CLEC16A: variants seen among roughly 807,000 people sequenced by gnomAD.
CLEC16A encodes the protein protein CLEC16A.
CLEC16A carries 51 observed loss-of-function variants against 109.5 expected under a neutral mutation model. That is an observed-to-expected ratio of 0.47 (90% CI 0.37 to 0.59). CLEC16A has a LOEUF of 0.59. CLEC16A is among the 20% of genes least tolerant of loss of function. The pLI, the probability that CLEC16A is intolerant of heterozygous loss-of-function variation, is 0.00. For missense variants in CLEC16A, 1,339 were observed against 1,394.0 expected, an observed-to-expected ratio of 0.96 and a Z score of 0.63; for synonymous variants, 673 against 564.2, an observed-to-expected ratio of 1.19 and a Z score of -2.73.
At chr16:11,134,846 C>G (rs1190613638) in intron 22 of CLEC16A, among the ~76,000 whole-genome samples, 2 of 152,218 alleles carry the variant, frequency 1.3e-5, no homozygotes, top group Non-Finnish European at 2.9e-5. Context: ...AGAGGGGCCT[C>G]AAGGGATGCC....
chr16:11,087,641 A>G (rs1409782141), intron 19 of CLEC16A, among the ~76,000 whole-genome samples: 1 of 152,210 alleles, frequency 6.6e-6, no homozygotes, highest in African/African-American at 2.4e-5. Context: ...AGGAAGTTCT[A>G]TATCTGCCTC....
intron 12 of CLEC16A, among the ~76,000 whole-genome samples, chr16:11,021,375 A>G (rs574477592): frequency 9.7e-4 from 148 of 152,366 alleles, no homozygotes; most frequent in African/African-American, 3.4e-3. Flanking sequence ...GCTCTGAAAA[A>G]TAAGTAATTC....
At position 11,147,454 on chromosome 16, in the gene CLEC16A, C is replaced by T. The variant is rs762702281; in HGVS notation, c.2642-18934C>T. On this transcript the variant is annotated intron_variant, in intron 22 of 23. Coordinates refer to ENST00000409790, the MANE Select transcript of CLEC16A (RefSeq NM_015226.3). Reference sequence around the variant, plus strand: ...TTTGAGCCACGTGCAAGAGAATGGCCGACAGAACCTGGAGGGCAAGGTTCT... The same window carrying T: ...TTTGAGCCACGTGCAAGAGAATGGCTGACAGAACCTGGAGGGCAAGGTTCT... Among the ~76,000 whole-genome samples the T allele has an allele frequency of 5.3e-5, 8 of 152,116 alleles. 1 individual carries two copies. The South Asian group carries it at 1.2e-3, about 24-fold the overall frequency.
chr16:11,045,160 A>G (rs764841907), intron 16 of CLEC16A, among the ~76,000 whole-genome samples: 18 of 151,738 alleles, frequency 1.2e-4, no homozygotes, highest in Non-Finnish European at 2.5e-4. Context: ...TCTGGCTAAC[A>G]TGGTGAAACC....
rs373865850 is a variant in CLEC16A, at chr16:11,075,378, CTGTG to C, written c.2116+14386_2116+14389del. 5.2e-3 allele frequency among the ~76,000 whole-genome samples: 703 copies of C among 134,698 alleles called. 4 individuals are homozygous for C. Among genetic ancestry groups the C allele is most frequent in the Non-Finnish European group, 6.4e-3 (402 of 62,582 alleles). The allele number at this position is 134,698 out of a possible 152,430, so 88.4% of individuals were successfully genotyped here. On this transcript the variant is annotated intron_variant, in intron 19 of 23. Transcript: ENST00000409790. ...CCCAGCACTGTGACCTTGGATATGTCTGTGTGTGTGTGTGTGTGTGTGTGTGTGT... is the reference window on the plus strand; with the variant it reads ...CCCAGCACTGTGACCTTGGATATGTCTGTGTGTGTGTGTGTGTGTGTGTGT...
intron 18 of CLEC16A, among the ~76,000 whole-genome samples, chr16:11,058,930 C>T (rs568842274): frequency 1.3e-5 from 2 of 152,288 alleles, no homozygotes; most frequent in Admixed American, 6.5e-5. Context: ...ATGGTCATGA[C>T]TCCTTATTTG....
chr16:11,047,501 A>G (rs1203089996), intron 17 of CLEC16A, 159 bp downstream of exon 17: 1 of 433,316 alleles, frequency 2.3e-6, no homozygotes, highest in Non-Finnish European at 4.0e-6. Context: ...TGTGATCCCC[A>G]CCACTGTTAA....
intron 19 of CLEC16A, among the ~76,000 whole-genome samples, chr16:11,078,054 A>G (rs1200700839): frequency 6.6e-6 from 1 of 151,994 alleles, no homozygotes; most frequent in Non-Finnish European, 1.5e-5. Context: ...ATGTAAAAGC[A>G]TAAATTTTCA....
chr16:11,171,124 CT>C (rs995833117), intron 23 of CLEC16A, among the ~76,000 whole-genome samples: 7 of 152,212 alleles, frequency 4.6e-5, no homozygotes, highest in African/African-American at 1.2e-4. Flanking sequence ...GGGGAGGACA[CT>C]TTTGAGGAAC....
intron 19 of CLEC16A, among the ~76,000 whole-genome samples, chr16:11,079,181 T>C (rs2049562588): frequency 2.0e-5 from 3 of 152,214 alleles, no homozygotes; most frequent in African/African-American, 7.2e-5. Context: ...CTTGCAGAAC[T>C]TGAAACTCCC....
intron 19 of CLEC16A, among the ~76,000 whole-genome samples, chr16:11,112,075 C>T (rs1268999484): frequency 6.6e-6 from 1 of 152,210 alleles, no homozygotes. Context: ...TATGAAAAAT[C>T]ACAAGGAGTG....
At chr16:11,018,301 A>C (rs1172352250) in intron 11 of CLEC16A, among the ~76,000 whole-genome samples, 2 of 151,854 alleles carry the variant, frequency 1.3e-5, no homozygotes, top group Non-Finnish European at 2.9e-5. Flanking sequence ...AAAAAAAAAA[A>C]AAAACAGGTG....
intron 13 of CLEC16A, among the ~76,000 whole-genome samples, chr16:11,035,029 A>G (rs1330281405): frequency 1.3e-5 from 2 of 152,162 alleles, no homozygotes; most frequent in Non-Finnish European, 2.9e-5. Flanking sequence ...GCCACTCAGA[A>G]CCATCAGCCA....
intron 21 of CLEC16A, among the ~76,000 whole-genome samples, chr16:11,124,834 C>T (rs571824586): frequency 7.9e-5 from 12 of 152,168 alleles, no homozygotes; most frequent in Admixed American, 7.9e-4. Context: ...TGTCTGTAAT[C>T]TCAGCACTTC....
chr16:11,114,941 T>C (rs80192931), intron 19 of CLEC16A, among the ~76,000 whole-genome samples: 1 of 152,336 alleles, frequency 6.6e-6, no homozygotes, highest in East Asian at 1.9e-4. Context: ...CGCATTTTAG[T>C]TTTCTTATGA....
rs140426876 is a variant in CLEC16A at position 11,122,601 on chromosome 16, T to A, written c.2269-1141T>A. Among the ~76,000 whole-genome samples the A allele has an allele frequency of 7.9e-3, 1,197 of 152,322 alleles. 16 individuals are homozygous for A. Among genetic ancestry groups the A allele is most frequent in the African/African-American group, 0.027 (1,130 of 41,572 alleles). On this transcript the variant is annotated intron_variant, in intron 20 of 23. Transcript: ENST00000409790. ...GCCGCGTTTTGATGGGGGTGTTATC[T>A]CCAAAGAGCCTGTGCCAAATGTAGT...
chr16:10,998,662 CCTT>C (rs1317775167), intron 10 of CLEC16A, among the ~76,000 whole-genome samples: 6 of 152,228 alleles, frequency 3.9e-5, no homozygotes, highest in Non-Finnish European at 2.9e-5. Flanking sequence ...CCTCCCTTCT[CCTT>C]CTTCTCCTTT....
chr16:11,024,978 C>A, intron 13 of CLEC16A, 57 bp downstream of exon 13: 1 of 1,208,532 alleles, frequency 8.3e-7, no homozygotes, highest in Non-Finnish European at 1.2e-6. Context: ...CCATAGCATC[C>A]TTCCCCTCTG....
At chr16:11,113,630 G>A (rs2051755536) in intron 19 of CLEC16A, among the ~76,000 whole-genome samples, 1 of 152,092 alleles carries the variant, frequency 6.6e-6, no homozygotes. Flanking sequence ...CTGTACTCCA[G>A]CCTGGGTGAC....
Sources: allele counts gnomAD v4.1 joint callset (sites outside exome capture counted in the v4.1 genomes callset), GRCh38; gene constraint gnomAD v4.1.1; transcripts MANE v1.5; gene names NCBI Gene and HGNC (gene_info 2026-07-23, HGNC 2026-07-21).